The following SPEN variants were observed in gnomAD, a reference collection of about 807,000 sequenced individuals.
SPEN encodes the protein spen family transcriptional repressor, also known as msx2-interacting protein.
A neutral mutation model predicts 269.9 loss-of-function variants in SPEN; 18 were observed. The observed-to-expected ratio is 0.07, with a 90% CI of 0.05 to 0.10. SPEN has a LOEUF of 0.10. Ranked by LOEUF, SPEN falls within the 10% of genes least tolerant of loss-of-function variation. The probability of loss-of-function intolerance (pLI) is 1.00; values close to 1 mark genes in which losing one functional copy is unlikely to be tolerated. For synonymous variants in SPEN, 1,726 were observed against 1,765.7 expected, an observed-to-expected ratio of 0.98 and a Z score of 0.56; for missense variants, 3,822 against 4,631.2, an observed-to-expected ratio of 0.83 and a Z score of 5.07.
At chr1:15,895,569 C>A (rs1054500408) in intron 3 of SPEN, among the ~76,000 whole-genome samples, 1 of 152,030 alleles carries the variant, frequency 6.6e-6, no homozygotes, top group African/African-American at 2.4e-5. Context: ...TACCAGATAC[C>A]CTGTTGATCA....
chr1:15,888,520 C>T (rs758641103), intron 3 of SPEN, among the ~76,000 whole-genome samples: 20 of 151,806 alleles, frequency 1.3e-4, no homozygotes, highest in Non-Finnish European at 1.9e-4. Flanking sequence ...GACAGGGTTT[C>T]GCCATATTGG....
At chr1:15,905,027 T>TAC (rs148136492) in intron 3 of SPEN, among the ~76,000 whole-genome samples, 3 of 150,492 alleles carry the variant, frequency 2.0e-5, no homozygotes, top group East Asian at 2.0e-4. Flanking sequence ...TAGCTGGGAT[T>TAC]ACACACACAC....
chr1:15,902,986 A>G (rs564556820), intron 3 of SPEN, among the ~76,000 whole-genome samples: 12 of 152,324 alleles, frequency 7.9e-5, no homozygotes, highest in Admixed American at 1.3e-4. Flanking sequence ...GTATAGATGC[A>G]TATTTGCCGT....
At chr1:15,864,759 G>A (rs1395895349) in intron 1 of SPEN, among the ~76,000 whole-genome samples, 2 of 151,068 alleles carry the variant, frequency 1.3e-5, no homozygotes, top group African/African-American at 4.9e-5. Context: ...TCCCGTCTCA[G>A]CCTACCGAGT....
intron 1 of SPEN, among the ~76,000 whole-genome samples, chr1:15,856,716 C>A (rs1471907831): frequency 6.6e-6 from 1 of 151,650 alleles, no homozygotes; most frequent in African/African-American, 2.4e-5. Context: ...TACAGGCGCC[C>A]ACCACCATGC....
chr1:15,938,794 C>T lies in SPEN; in HGVS notation c.10781C>T (p.Ser3594Phe), dbSNP rs1481205946. 6.2e-7 allele frequency: 1 copy of T among 1,614,028 alleles called. No homozygotes were observed. Among genetic ancestry groups the T allele is most frequent in the Non-Finnish European group, 8.5e-7 (1 of 1,180,028 alleles). ...DQEDVVSQTE[S>F]LKAAFITYLQ... Reference sequence around the variant, plus strand: ...GAGGATGTTGTGAGCCAGACCGAGTCCCTCAAGGCTGCCTTCATCACTTAC... The same window carrying T: ...GAGGATGTTGTGAGCCAGACCGAGTTCCTCAAGGCTGCCTTCATCACTTAC... Residue 3594 changes from serine to phenylalanine, a missense_variant, in exon 14 of 15, where the codon TCC becomes TTC. Ser to Phe is a radical substitution (Grantham distance 155, BLOSUM62 -2). Coordinates refer to ENST00000375759, the MANE Select transcript of SPEN (RefSeq NM_015001.3).
intron 1 of SPEN, among the ~76,000 whole-genome samples, chr1:15,862,046 A>C (rs918763171): frequency 2.0e-5 from 3 of 152,192 alleles, no homozygotes; most frequent in African/African-American, 7.2e-5. Context: ...CGTCTCAAAA[A>C]ATAAAAAAAC....
chr1:15,858,515 A>G (rs1392415584), intron 1 of SPEN, among the ~76,000 whole-genome samples: 3 of 152,198 alleles, frequency 2.0e-5, no homozygotes, highest in Non-Finnish European at 2.9e-5. Context: ...AGTAGGCTCT[A>G]CCATTGAGGT....
chr1:15,859,701 CAA>C (rs982881727), intron 1 of SPEN, among the ~76,000 whole-genome samples: 8 of 151,876 alleles, frequency 5.3e-5, no homozygotes, highest in African/African-American at 1.9e-4. Flanking sequence ...CTTTGTGTCT[CAA>C]AGAGTTGTAG....
chr1:15,937,652 A>G lies in SPEN; in HGVS notation c.10509+7A>G, dbSNP rs572187548. ...TATGGTTCAACTTCTGAAGGTAAGC[A>G]TGAGCAGGGGCTGCCCTTCCTGGCC... On this transcript the variant is annotated splice_region_variant and intron_variant, in intron 12 of 14. Coordinates refer to ENST00000375759, the MANE Select transcript of SPEN (RefSeq NM_015001.3). This position sits in a 1 kb window ranked among gnomAD's most constrained non-coding sequence, Gnocchi z 5.7. 14 of 1,610,774 alleles carry G rather than the reference A, an allele frequency of 8.7e-6. No homozygotes were observed. Among genetic ancestry groups the G allele is most frequent in the Admixed American group, 1.7e-5 (1 of 59,936 alleles).
intron 1 of SPEN, among the ~76,000 whole-genome samples, chr1:15,853,213 G>A (rs1425910266): frequency 6.6e-6 from 1 of 151,404 alleles, no homozygotes; most frequent in African/African-American, 2.4e-5. Flanking sequence ...TTTTTGAGAT[G>A]GAGTCTCACT....
Position 15,939,678 on chromosome 1 carries a change from G to C in SPEN, c.*251G>C. 1 of 362,898 alleles carries C rather than the reference G, an allele frequency of 2.8e-6. No homozygotes were observed. Among genetic ancestry groups the C allele is most frequent in the Non-Finnish European group, 4.9e-6 (1 of 204,024 alleles). The allele number at this position is 362,898 out of a possible 1,614,324, so 22.5% of individuals were successfully genotyped here. A position where few individuals can be genotyped will look rare whatever the true frequency, so the allele number is the denominator to read the frequency against. ...CAACCCATGGACTCGCAGACACCGG[G>C]GCTGGGTTTCTCTTTCCTCTTTTTG... On this transcript the variant is annotated 3_prime_UTR_variant, in exon 15 of 15. Transcript: ENST00000375759. The surrounding 1 kb of genome is among the most constrained non-coding windows in gnomAD (Gnocchi z 4.1).
intron 2 of SPEN, among the ~76,000 whole-genome samples, chr1:15,875,785 T>C (rs1270470100): frequency 6.6e-6 from 1 of 152,144 alleles, no homozygotes; most frequent in Admixed American, 6.6e-5. Context: ...AGCATGGAAA[T>C]GTGGCCTAAA....
intron 3 of SPEN, among the ~76,000 whole-genome samples, chr1:15,906,419 C>A (rs1557750846): frequency 6.6e-6 from 1 of 150,378 alleles, no homozygotes; most frequent in Admixed American, 6.6e-5. Flanking sequence ...GTGCTGATAA[C>A]CTTATTAAGC....
intron 1 of SPEN, among the ~76,000 whole-genome samples, chr1:15,862,037 G>A (rs933566480): frequency 5.9e-5 from 9 of 152,044 alleles, no homozygotes; most frequent in African/African-American, 9.7e-5. Flanking sequence ...GTGAGACTCC[G>A]TCTCAAAAAA....
At chr1:15,864,279 G>A (rs1395097219) in intron 1 of SPEN, among the ~76,000 whole-genome samples, 1 of 151,164 alleles carries the variant, frequency 6.6e-6, no homozygotes, top group African/African-American at 2.4e-5. Flanking sequence ...AGTGATTCTC[G>A]TGTCTCAGCC....
At chr1:15,869,580 G>GTATT (rs139016154) in intron 1 of SPEN, among the ~76,000 whole-genome samples, 45,380 of 145,862 alleles carry the variant, frequency 0.31, 7,351 homozygotes, top group African/African-American at 0.36. Flanking sequence ...TGTCTCTACT[G>GTATT]TATTTATTTA....
chr1:15,862,704 CATAA>C (rs1393413721), intron 1 of SPEN, among the ~76,000 whole-genome samples: 3 of 151,204 alleles, frequency 2.0e-5, no homozygotes, highest in Admixed American at 1.3e-4. Flanking sequence ...TATGTATGTG[CATAA>C]ATAATTTTTT....
rs753324407 is a variant in SPEN, at chr1:15,935,696, C to T, written c.9456C>T (p.Ser3152=). 1.9e-6 allele frequency: 3 copies of T among 1,613,624 alleles called. No homozygotes were observed. Among genetic ancestry groups the T allele is most frequent in the East Asian group, 4.5e-5 (2 of 44,870 alleles). The change falls in exon 11 of 15, where the codon TCC becomes TCT. Residue 3152 remains serine (S), a synonymous_variant. Transcript: ENST00000375759. The surrounding 1 kb of genome is among the most constrained non-coding windows in gnomAD (Gnocchi z 7.7). ...PAPAGVPALA[S]QHPPEEEVHY... Reference sequence around the variant, plus strand: ...CAGCTGGTGTGCCTGCACTGGCCTCCCAGCACCCTCCCGAGGAGGAAGTGC... The same window carrying T: ...CAGCTGGTGTGCCTGCACTGGCCTCTCAGCACCCTCCCGAGGAGGAAGTGC...
Sources: gnomAD v4.1 joint callset for allele counts (sites outside exome capture counted in the v4.1 genomes callset) on GRCh38, gnomAD v4.1.1 for gene constraint, Gnocchi (gnomAD v3.1) non-coding constraint, MANE v1.5 for transcripts, NCBI Gene and HGNC (gene_info 2026-07-23, HGNC 2026-07-21) for gene names.